Variants in CD53 observed in about 807,000 individuals in gnomAD.
CD53 encodes leukocyte surface antigen CD53.
CD53 carries 20 observed loss-of-function variants against 27.3 expected under a neutral mutation model. The observed-to-expected ratio is 0.73, with a 90% confidence interval of 0.52 to 1.07. The LOEUF is 1.07. Ranked by LOEUF, CD53 falls within the 50% of genes least tolerant of loss-of-function variation. CD53 has a pLI of 0.00. For synonymous variants in CD53, 106 were observed against 105.3 expected, an observed-to-expected ratio of 1.01 and a Z score of -0.04; for missense variants, 216 against 264.0, an observed-to-expected ratio of 0.82 and a Z score of 1.26.
chr1:110,898,931 T>C lies in CD53; in HGVS notation c.589-193T>C, dbSNP rs970788528. ...TTTACAGCCTGTTATCTTGTCATCATTGACCCCGTTTCTCTCCTCACTGCT... is the reference window on the plus strand; with the variant it reads ...TTTACAGCCTGTTATCTTGTCATCACTGACCCCGTTTCTCTCCTCACTGCT... On this transcript the variant is annotated intron_variant, in intron 7 of 7. Coordinates refer to ENST00000271324, the MANE Select transcript of CD53 (RefSeq NM_000560.4). 4.6e-5 allele frequency among the ~76,000 whole-genome samples: 7 copies of C among 152,192 alleles called. No homozygotes were observed. In the East Asian group the frequency reaches 5.8e-4, roughly 13 times the overall value.
intron 1 of CD53, among the ~76,000 whole-genome samples, chr1:110,878,906 C>A (rs749676985): frequency 6.6e-6 from 1 of 152,170 alleles, no homozygotes; most frequent in Admixed American, 6.5e-5. Context: ...GGAAGTCTTA[C>A]AGAAACTGTA....
chr1:110,892,688 T>C (rs1570909829), intron 3 of CD53, 155 bp downstream of exon 3: 5 of 656,360 alleles, frequency 7.6e-6, no homozygotes, highest in Non-Finnish European at 1.3e-5. Context: ...AGACCAATAG[T>C]ATATTATGTA....
chr1:110,892,376 T>G lies in CD53; in HGVS notation c.95T>G (p.Ile32Ser). The G allele has an allele frequency of 1.2e-6, 2 of 1,614,104 alleles. No individual in the cohort carries two copies. Among genetic ancestry groups the G allele is most frequent in the East Asian group, 2.2e-5 (1 of 44,882 alleles). ...GGCTGCTGCATTTTGGGCTTTGGGA[T>G]CTACCTGCTGATCCACAACAACTTC... ...ICGCCILGFG[I>S]YLLIHNNFGV... Residue 32 changes from isoleucine to serine, a missense_variant, in exon 3 of 8, where the codon ATC becomes AGC. Transcript: ENST00000271324.
intron 1 of CD53, among the ~76,000 whole-genome samples, chr1:110,874,192 T>G (rs1656046473): frequency 6.6e-6 from 1 of 152,094 alleles, no homozygotes; most frequent in African/African-American, 2.4e-5. Context: ...CATCTAAGTA[T>G]GAGGATTGGG....
intron 1 of CD53, among the ~76,000 whole-genome samples, chr1:110,881,054 A>G (rs1381736066): frequency 6.6e-6 from 1 of 152,216 alleles, no homozygotes; most frequent in Non-Finnish European, 1.5e-5. Context: ...TAAATTTTAA[A>G]GTATAATACA....
intron 1 of CD53, among the ~76,000 whole-genome samples, chr1:110,880,580 C>T (rs940805249): frequency 6.6e-6 from 1 of 152,114 alleles, no homozygotes; most frequent in Non-Finnish European, 1.5e-5. Flanking sequence ...CAATTCCTTT[C>T]TGTTACTGAT....
rs1351169943 is a variant in CD53, at chr1:110,899,235, C to T, written c.*40C>T. 9.0e-6 allele frequency: 13 copies of T among 1,451,120 alleles called. No homozygotes were observed. The highest frequency in any genetic ancestry group is 6.8e-5 in the East Asian group (3 of 44,258). The allele number at this position is 1,451,120 out of a possible 1,614,324, so 89.9% of individuals were successfully genotyped here. Reference sequence around the variant, plus strand: ...GTGGTGAAGAGACTTGTTTCATCTCCGGAAATGCAAAACCATTTATAGCAT... The same window carrying T: ...GTGGTGAAGAGACTTGTTTCATCTCTGGAAATGCAAAACCATTTATAGCAT... On this transcript the variant is annotated 3_prime_UTR_variant, in exon 8 of 8. Coordinates refer to ENST00000271324, the MANE Select transcript of CD53 (RefSeq NM_000560.4).
intron 1 of CD53, among the ~76,000 whole-genome samples, chr1:110,877,952 C>T (rs1331676117): frequency 1.3e-5 from 2 of 152,216 alleles, no homozygotes; most frequent in Non-Finnish European, 2.9e-5. Flanking sequence ...CTCCTGGATG[C>T]TCAACACATT....
At chr1:110,897,499 C>CTGAG (rs1657116631) in intron 6 of CD53, among the ~76,000 whole-genome samples, 1 of 152,174 alleles carries the variant, frequency 6.6e-6, no homozygotes, top group Admixed American at 6.5e-5. Context: ...CTGGTCAGCA[C>CTGAG]TGAGTGTTCA....
upstream of CD53, among the ~76,000 whole-genome samples, chr1:110,871,288 A>G (rs560460020): frequency 3.3e-5 from 5 of 152,286 alleles, no homozygotes; most frequent in East Asian, 5.8e-4. Context: ...TGTAATTTCT[A>G]TGGGGTTGGA....
upstream of CD53, among the ~76,000 whole-genome samples, chr1:110,872,445 G>C (rs1655992994): frequency 6.6e-6 from 1 of 152,182 alleles, no homozygotes; most frequent in Non-Finnish European, 1.5e-5. Flanking sequence ...AACTGAGGCT[G>C]ACAGATTGAG....
At chr1:110,892,579 G>T in intron 3 of CD53, 46 bp downstream of exon 3, 1 of 1,460,302 alleles carries the variant, frequency 6.8e-7, no homozygotes, top group Non-Finnish European at 9.5e-7. Flanking sequence ...GGGAGATGGT[G>T]CCTAAATCCC....
chr1:110,899,446 C>T lies in CD53; in HGVS notation c.*251C>T. On this transcript the variant is annotated 3_prime_UTR_variant, in exon 8 of 8. Coordinates refer to ENST00000271324, the MANE Select transcript of CD53 (RefSeq NM_000560.4). ...AGTGGTGAAACTAATATCTGAGCAT[C>T]TTTTAGACAAGAGAGGCAAAGACAA... 3 of 378,614 alleles carry T rather than the reference C, an allele frequency of 7.9e-6. No individual in the cohort carries two copies. The highest frequency in any genetic ancestry group is 1.5e-5 in the Non-Finnish European group (3 of 205,248). 23.5% of individuals were successfully genotyped at this position (378,614 alleles called of 1,614,324 possible). A position where few individuals can be genotyped will look rare whatever the true frequency, so the allele number is the denominator to read the frequency against.
At chr1:110,886,867 ATATTTT>A (rs1050596695) in intron 1 of CD53, among the ~76,000 whole-genome samples, 16 of 41,370 alleles carry the variant, frequency 3.9e-4, no homozygotes, top group African/African-American at 1.0e-3. Context: ...ATATATATAT[ATATTTT>A]TTTTTTCTGT....
intron 4 of CD53, 30 bp from the exon 5 acceptor site, chr1:110,894,930 T>G (rs1396100262): frequency 6.4e-7 from 1 of 1,557,678 alleles, no homozygotes; most frequent in East Asian, 2.2e-5. Context: ...CTTTTTACCA[T>G]GTCTCCTCTG....
chr1:110,896,517 G>T lies in CD53; in HGVS notation c.424-136G>T, dbSNP rs553015646. The T allele has an allele frequency of 8.1e-6, 6 of 737,298 alleles. No homozygotes were observed. In the East Asian group the frequency reaches 1.3e-4, roughly 16 times the overall value. The allele number at this position is 737,298 out of a possible 1,614,324, so 45.7% of individuals were successfully genotyped here. On this transcript the variant is annotated intron_variant, in intron 5 of 7. Coordinates refer to ENST00000271324, the MANE Select transcript of CD53 (RefSeq NM_000560.4). ...ATTAGAAAGCACTTTGTTTTAAGGAGCCCATAGCAATCAGACCAATTCTGG... is the reference window on the plus strand; with the variant it reads ...ATTAGAAAGCACTTTGTTTTAAGGATCCCATAGCAATCAGACCAATTCTGG...
chr1:110,884,029 C>T (rs1375721530), intron 1 of CD53, among the ~76,000 whole-genome samples: 1 of 151,822 alleles, frequency 6.6e-6, no homozygotes, highest in Non-Finnish European at 1.5e-5. Context: ...CAGTGCTTAT[C>T]TTCATTATCT....
At chr1:110,879,346 G>T (rs766321462) in intron 1 of CD53, among the ~76,000 whole-genome samples, 4 of 152,112 alleles carry the variant, frequency 2.6e-5, no homozygotes, top group Non-Finnish European at 5.9e-5. Flanking sequence ...GTTGCCCAAG[G>T]TCACACTTCT....
rs1268862186 is a variant in CD53 at position 110,897,830 on chromosome 1, CTG to C, written c.529_530del (p.Trp177ValfsTer19). 1.9e-6 allele frequency: 3 copies of C among 1,610,800 alleles called. No individual in the cohort carries two copies. The highest frequency in any genetic ancestry group is 1.3e-5 in the African/African-American group (1 of 74,812). Reference sequence around the variant, plus strand: ...CTAGGGTTGCTATGCGAAAGCAAGACTGTGGTTTCATTCCAATTTCCTGTATA... The same window carrying C: ...CTAGGGTTGCTATGCGAAAGCAAGACTGGTTTCATTCCAATTTCCTGTATA... ...KVEGCYAKAR[L>X]WFHSNFLYIG... On this transcript the variant is annotated frameshift_variant, in exon 7 of 8. Coordinates refer to ENST00000271324, the MANE Select transcript of CD53 (RefSeq NM_000560.4). LOFTEE classifies it high-confidence loss of function.
Sources: allele counts gnomAD v4.1 joint callset (sites outside exome capture counted in the v4.1 genomes callset), GRCh38; gene constraint gnomAD v4.1.1; transcripts MANE v1.5; gene names NCBI Gene and HGNC (gene_info 2026-07-23, HGNC 2026-07-21).